ANGPT1: variants seen among roughly 807,000 people sequenced by gnomAD.
The protein encoded by ANGPT1 is angiopoietin 1.
ANGPT1 carries 17 observed loss-of-function variants against 62.2 expected under a neutral mutation model. The observed-to-expected ratio is 0.27, with a 90% confidence interval of 0.19 to 0.41. The LOEUF is 0.41. Among genes scored for constraint, ANGPT1 ranks in the 10% least tolerant of loss-of-function variants. The probability of loss-of-function intolerance (pLI) is 1.00; values close to 1 mark genes in which losing one functional copy is unlikely to be tolerated. For synonymous variants in ANGPT1, 199 were observed against 198.9 expected (o/e 1.00, Z 0.00); for missense variants, 478 against 594.9 (o/e 0.80, Z 2.04).
intron 1 of ANGPT1, among the ~76,000 whole-genome samples, chr8:107,352,145 C>T (rs753210201): frequency 6.6e-6 from 1 of 152,076 alleles, no homozygotes; most frequent in Non-Finnish European, 1.5e-5. Context: ...ATGTTAAAAA[C>T]AAATTCTGAT....
intron 1 of ANGPT1, among the ~76,000 whole-genome samples, chr8:107,432,477 A>T (rs1468805630): frequency 6.6e-6 from 1 of 152,164 alleles, no homozygotes; most frequent in Non-Finnish European, 1.5e-5. Context: ...ATCCTGGCTA[A>T]CGTAGTGAAA....
At chr8:107,462,082 C>A (rs1046335770) in intron 1 of ANGPT1, among the ~76,000 whole-genome samples, 3 of 152,046 alleles carry the variant, frequency 2.0e-5, no homozygotes, top group South Asian at 2.1e-4. Context: ...TGTCTAGTTT[C>A]ATTTTCTCGG....
At position 107,250,566 on chromosome 8, in the gene ANGPT1, ATAG is replaced by A. The variant is rs2129971690; in HGVS notation, c.*1286_*1288del. Reference sequence around the variant, plus strand: ...AGAATGATGTATTTCATTAAGGGATATAGTAGATTTCTTTGAGCATTTGTGTTA... The same window carrying A: ...AGAATGATGTATTTCATTAAGGGATATAGATTTCTTTGAGCATTTGTGTTA... On this transcript the variant is annotated 3_prime_UTR_variant, in exon 9 of 9. Coordinates refer to ENST00000517746, the MANE Select transcript of ANGPT1 (RefSeq NM_001146.5). The A allele has an allele frequency of 6.6e-6, 1 of 152,260 alleles. No individual in the cohort carries two copies. Among genetic ancestry groups the A allele is most frequent in the African/African-American group, 2.4e-5 (1 of 41,566 alleles). The allele number at this position is 152,260 out of a possible 1,614,324, so 9.4% of individuals were successfully genotyped here.
At chr8:107,486,027 C>T (rs962470153) in intron 1 of ANGPT1, among the ~76,000 whole-genome samples, 4 of 152,166 alleles carry the variant, frequency 2.6e-5, no homozygotes, top group Non-Finnish European at 5.9e-5. Context: ...AGCTATTGTG[C>T]TTCAATCAGC....
At chr8:107,411,954 A>G (rs921847170) in intron 1 of ANGPT1, among the ~76,000 whole-genome samples, 1 of 152,202 alleles carries the variant, frequency 6.6e-6, no homozygotes, top group Non-Finnish European at 1.5e-5. Flanking sequence ...ATGTTAGATC[A>G]GGGTTTCTCA....
intron 1 of ANGPT1, among the ~76,000 whole-genome samples, chr8:107,461,627 A>G (rs187639868): frequency 2.6e-5 from 4 of 152,270 alleles, no homozygotes; most frequent in Admixed American, 6.5e-5. Flanking sequence ...TGTATTATGG[A>G]TTTAATATTA....
At chr8:107,388,976 T>A (rs1445022238) in intron 1 of ANGPT1, among the ~76,000 whole-genome samples, 1 of 152,190 alleles carries the variant, frequency 6.6e-6, no homozygotes, top group Non-Finnish European at 1.5e-5. Flanking sequence ...TATGGCTATA[T>A]GGCTGCATAC....
At chr8:107,475,550 C>A (rs1339556456) in intron 1 of ANGPT1, among the ~76,000 whole-genome samples, 2 of 152,210 alleles carry the variant, frequency 1.3e-5, no homozygotes, top group African/African-American at 2.4e-5. Context: ...TCTAAAACAC[C>A]AAAAGCAATG....
intron 1 of ANGPT1, among the ~76,000 whole-genome samples, chr8:107,469,883 C>T (rs1488667319): frequency 1.3e-5 from 2 of 151,940 alleles, no homozygotes; most frequent in African/African-American, 4.8e-5. Context: ...TGGATAACAC[C>T]ATCATACCAC....
At chr8:107,451,017 C>T (rs1190025165) in intron 1 of ANGPT1, among the ~76,000 whole-genome samples, 3 of 151,644 alleles carry the variant, frequency 2.0e-5, no homozygotes, top group Non-Finnish European at 4.4e-5. Context: ...TTGGAAGTCA[C>T]TTCTCATTTA....
chr8:107,425,479 C>T (rs1469819719), intron 1 of ANGPT1, among the ~76,000 whole-genome samples: 2 of 152,090 alleles, frequency 1.3e-5, no homozygotes, highest in East Asian at 3.9e-4. Flanking sequence ...AAATTCAATT[C>T]AAAATAGAGG....
chr8:107,446,792 C>T (rs903026088), intron 1 of ANGPT1, among the ~76,000 whole-genome samples: 8 of 152,156 alleles, frequency 5.3e-5, no homozygotes, highest in Non-Finnish European at 7.3e-5. Flanking sequence ...CTTCTATATG[C>T]TTGAGGCTCT....
At chr8:107,316,595 A>C (rs1269416985) in intron 4 of ANGPT1, among the ~76,000 whole-genome samples, 1 of 152,114 alleles carries the variant, frequency 6.6e-6, no homozygotes, top group African/African-American at 2.4e-5. Context: ...TTTTTCCTAC[A>C]TTGTCACTGG....
intron 6 of ANGPT1, among the ~76,000 whole-genome samples, chr8:107,288,185 G>C (rs1814189362): frequency 6.6e-6 from 1 of 152,242 alleles, no homozygotes; most frequent in Admixed American, 6.5e-5. Context: ...TTATACAAAT[G>C]AGTATTGTCA....
At chr8:107,424,876 T>G (rs572608751) in intron 1 of ANGPT1, among the ~76,000 whole-genome samples, 1 of 152,212 alleles carries the variant, frequency 6.6e-6, no homozygotes, top group Non-Finnish European at 1.5e-5. Flanking sequence ...ATTCTTTTTT[T>G]AAAAAAATAT....
intron 3 of ANGPT1, among the ~76,000 whole-genome samples, chr8:107,324,215 A>ATGTATATATATGTG (rs1554582627): frequency 0.011 from 1,617 of 144,824 alleles, 22 homozygotes; most frequent in Middle Eastern, 0.021. Flanking sequence ...GTATATATAT[A>ATGTATATATATGTG]TGTGTGTGTG....
intron 3 of ANGPT1, among the ~76,000 whole-genome samples, chr8:107,328,187 T>C (rs1815333691): frequency 6.6e-6 from 1 of 152,122 alleles, no homozygotes; most frequent in African/African-American, 2.4e-5. Flanking sequence ...TCCACTATTT[T>C]CAACATGTAT....
chr8:107,391,007 A>C (rs1318589801), intron 1 of ANGPT1, among the ~76,000 whole-genome samples: 1 of 152,204 alleles, frequency 6.6e-6, no homozygotes, highest in African/African-American at 2.4e-5. Flanking sequence ...CCCAATGTGT[A>C]ATATTTGCTA....
At chr8:107,323,649 T>G (rs1028182684) in intron 3 of ANGPT1, among the ~76,000 whole-genome samples, 4 of 152,128 alleles carry the variant, frequency 2.6e-5, no homozygotes, top group African/African-American at 9.7e-5. Flanking sequence ...CCAGAAACCT[T>G]GTGGATGGAT....
Sources: gnomAD v4.1 joint callset for allele counts (sites outside exome capture counted in the v4.1 genomes callset) on GRCh38, gnomAD v4.1.1 for gene constraint, MANE v1.5 for transcripts, NCBI Gene and HGNC (gene_info 2026-07-23, HGNC 2026-07-21) for gene names.